The following SLC16A12 variants were observed in gnomAD, a reference collection of about 807,000 sequenced individuals.
The protein encoded by SLC16A12 is monocarboxylate transporter 12.
In SLC16A12, 17 loss-of-function variants were observed where a neutral mutation model predicts 42.4. That is an observed-to-expected ratio of 0.40 (90% CI 0.27 to 0.60). The LOEUF is 0.60. Among genes scored for constraint, SLC16A12 ranks in the 20% least tolerant of loss-of-function variants. SLC16A12 has a pLI of 0.42. For synonymous variants in SLC16A12, 224 were observed against 229.4 expected (o/e 0.98, Z 0.21); for missense variants, 544 against 623.0 (o/e 0.87, Z 1.35).
In SLC16A12 at chr10:89,527,789, G is replaced by T. The variant is rs185330212; in HGVS notation, c.-47+6712C>A. 7.3e-4 allele frequency among the ~76,000 whole-genome samples: 110 copies of T among 151,174 alleles called. 1 individual carries two copies. The highest frequency in any genetic ancestry group is 2.6e-3 in the African/African-American group (107 of 41,168). On this transcript the variant is annotated intron_variant, in intron 2 of 7. Coordinates refer to ENST00000371790, the MANE Select transcript of SLC16A12 (RefSeq NM_213606.4). ...ACTGCACTCCAGCCTGGGTGACAGT[G>T]AGACCCCATCTCTTAAAAAAAAAAA...
intron 2 of SLC16A12, among the ~76,000 whole-genome samples, chr10:89,505,294 A>T (rs774929568): frequency 5.9e-5 from 9 of 152,152 alleles, no homozygotes; most frequent in Non-Finnish European, 1.2e-4. Context: ...CAACATCTGT[A>T]GTCCCAGCTA....
intron 3 of SLC16A12, among the ~76,000 whole-genome samples, chr10:89,456,517 C>T (rs958854210): frequency 6.6e-6 from 1 of 150,746 alleles, no homozygotes; most frequent in African/African-American, 2.4e-5. Flanking sequence ...AAGTATGATT[C>T]TTTTTTTTTC....
At chr10:89,465,312 C>T (rs543527656) in intron 2 of SLC16A12, among the ~76,000 whole-genome samples, 41 of 152,320 alleles carry the variant, frequency 2.7e-4, no homozygotes, top group East Asian at 3.8e-4. Context: ...AATTCATAAA[C>T]GTTTTTGTCT....
chr10:89,548,305 A>T (rs1843752540), intron 2 of SLC16A12, among the ~76,000 whole-genome samples: 1 of 152,182 alleles, frequency 6.6e-6, no homozygotes, highest in Non-Finnish European at 1.5e-5. Context: ...AGGTAGCAGC[A>T]TGTGAACTGT....
intron 2 of SLC16A12, among the ~76,000 whole-genome samples, chr10:89,545,571 C>T (rs184290542): frequency 6.6e-6 from 1 of 152,064 alleles, no homozygotes; most frequent in East Asian, 1.9e-4. Flanking sequence ...AGGACCCAAA[C>T]AAATGGAAAA....
intron 2 of SLC16A12, among the ~76,000 whole-genome samples, chr10:89,555,292 G>A (rs1015103893): frequency 1.3e-5 from 2 of 151,322 alleles, no homozygotes; most frequent in African/African-American, 2.4e-5. Context: ...CTACAGGCAC[G>A]CAGGCACAGT....
At chr10:89,540,280 G>A (rs191276874), upstream of SLC16A12, among the ~76,000 whole-genome samples, 103 of 151,974 alleles carry the variant, frequency 6.8e-4, no homozygotes, top group African/African-American at 2.3e-3. Flanking sequence ...TGTATTTTTT[G>A]TAGGGACAGA....
At chr10:89,467,166 T>C (rs1842415144) in intron 2 of SLC16A12, among the ~76,000 whole-genome samples, 1 of 152,210 alleles carries the variant, frequency 6.6e-6, no homozygotes, top group Non-Finnish European at 1.5e-5. Flanking sequence ...CAAGGTTAAG[T>C]TGTTTTCCAG....
chr10:89,546,690 C>T (rs2133887875), intron 2 of SLC16A12, among the ~76,000 whole-genome samples: 1 of 152,238 alleles, frequency 6.6e-6, no homozygotes, highest in East Asian at 1.9e-4. Context: ...TGGGTATATA[C>T]CCAAAGGAAT....
At chr10:89,547,401 G>A (rs1188059570) in intron 2 of SLC16A12, among the ~76,000 whole-genome samples, 2 of 152,190 alleles carry the variant, frequency 1.3e-5, no homozygotes, top group Admixed American at 1.3e-4. Context: ...GAACTACAGT[G>A]CATGGCTCTC....
chr10:89,451,010 T>C (rs1010840673), intron 3 of SLC16A12, among the ~76,000 whole-genome samples: 9 of 152,160 alleles, frequency 5.9e-5, no homozygotes, highest in African/African-American at 2.2e-4. Flanking sequence ...CCAGAAGCAA[T>C]AGTTTGCATC....
chr10:89,527,357 C>G (rs1843471061), intron 2 of SLC16A12, among the ~76,000 whole-genome samples: 1 of 151,942 alleles, frequency 6.6e-6, no homozygotes. Flanking sequence ...GTGGCAGGTG[C>G]CTGTAATCCC....
chr10:89,436,862 T>TAAAGAAAAA (rs1841798783), intron 6 of SLC16A12, among the ~76,000 whole-genome samples: 2 of 48,670 alleles, frequency 4.1e-5, no homozygotes, highest in Non-Finnish European at 1.0e-4. Flanking sequence ...AAGAAAGAAA[T>TAAAGAAAAA]AAAGAAAAAG....
chr10:89,493,223 T>C (rs1165912426), intron 2 of SLC16A12, among the ~76,000 whole-genome samples: 2 of 151,200 alleles, frequency 1.3e-5, no homozygotes, highest in East Asian at 1.9e-4. Flanking sequence ...TTCTTTCTTT[T>C]TTTTTTTTTT....
intron 2 of SLC16A12, among the ~76,000 whole-genome samples, chr10:89,555,421 C>G (rs1480992887): frequency 7.1e-6 from 1 of 141,090 alleles, no homozygotes; most frequent in Non-Finnish European, 1.6e-5. Flanking sequence ...GGTACAAACA[C>G]AGTTAGGCTT....
intron 2 of SLC16A12, among the ~76,000 whole-genome samples, chr10:89,483,534 C>T (rs1205918288): frequency 1.3e-5 from 2 of 152,048 alleles, no homozygotes; most frequent in African/African-American, 4.8e-5. Context: ...GCCCTGCCAA[C>T]CATTATAATA....
intron 2 of SLC16A12, among the ~76,000 whole-genome samples, chr10:89,477,887 G>T (rs1053577318): frequency 1.3e-4 from 1 of 7,616 alleles, no homozygotes; most frequent in Non-Finnish European, 4.6e-4. Flanking sequence ...CCCCCACCCC[G>T]ATGAAGTCCC....
At chr10:89,493,194 A>G (rs1842871187) in intron 2 of SLC16A12, among the ~76,000 whole-genome samples, 1 of 151,912 alleles carries the variant, frequency 6.6e-6, no homozygotes. Flanking sequence ...TGTTAAGTAA[A>G]TAAATGAATT....
At chr10:89,518,313 A>C in intron 2 of SLC16A12, among the ~76,000 whole-genome samples, 1 of 152,184 alleles carries the variant, frequency 6.6e-6, no homozygotes, top group Non-Finnish European at 1.5e-5. Flanking sequence ...GTTAAACTTC[A>C]GTGTGTCCTG....
Sources: gnomAD v4.1 joint callset for allele counts (sites outside exome capture counted in the v4.1 genomes callset) on GRCh38, gnomAD v4.1.1 for gene constraint, MANE v1.5 for transcripts, NCBI Gene and HGNC (gene_info 2026-07-23, HGNC 2026-07-21) for gene names.